Variants in RECQL4 observed in about 807,000 individuals in gnomAD.
RECQL4 encodes RecQ like helicase 4.
In RECQL4, 158 loss-of-function variants were observed where a neutral mutation model predicts 128.6. The ratio of observed to expected loss-of-function variants is 1.23; its 90% CI spans 1.08 to 1.40. The LOEUF is 1.40. Ranked by LOEUF, RECQL4 falls within the 40% of genes most tolerant of loss-of-function variation. The pLI, the probability that RECQL4 is intolerant of heterozygous loss-of-function variation, is 0.00. For synonymous variants in RECQL4, 996 were observed against 678.9 expected (o/e 1.47, Z -7.26); for missense variants, 2,293 against 1,649.8 (o/e 1.39, Z -6.75).
rs548485975 is a variant in RECQL4, at chr8:144,512,656, C to G, written c.2871G>C (p.Gln957His). 1 of 1,612,534 alleles carries G rather than the reference C, an allele frequency of 6.2e-7. No homozygotes were observed. Among genetic ancestry groups the G allele is most frequent in the Non-Finnish European group, 8.5e-7 (1 of 1,179,782 alleles). The change falls in exon 16 of 21, where the codon CAG becomes CAC. Residue 957 changes from glutamine (Q) to histidine (H), a missense_variant. Transcript: ENST00000617875. ...GGCGTGCTTACCTGTGGGCCAGGGC[C>G]TGGAGCTGGGCAGGGCCCCCAGGGC... is the stretch of plus-strand genomic sequence containing the variant. ...LNCPGGPAQL[Q>H]ALAHRCPPLA...
intron 4 of RECQL4, 129 bp downstream of exon 4, chr8:144,516,921 C>T: frequency 7.0e-7 from 1 of 1,431,128 alleles, no homozygotes; most frequent in Non-Finnish European, 9.4e-7. Context: ...CCGAGAAGCT[C>T]CCTGAAGACT....
In RECQL4 at chr8:144,516,754, G is replaced by C. The variant is rs761683428; in HGVS notation, c.365C>G (p.Ala122Gly). The change falls in exon 5 of 21, where the codon GCC (alanine) becomes GGC (glycine). Residue 122 changes from alanine to glycine, a missense_variant. Physicochemically the swap from Ala to Gly is moderately conservative, Grantham distance 60. Transcript: ENST00000617875. Reference protein sequence around the residue: ...NLKGTLQAGPALGRRPWPLGR... With the variant: ...NLKGTLQAGPGLGRRPWPLGR... Reference sequence around the variant, plus strand: ...TAGAGGCCACGGTCTGCGGCCCAGGGCTGGTCCGGCCTGGGAGGGGAACAA... The same window carrying C: ...TAGAGGCCACGGTCTGCGGCCCAGGCCTGGTCCGGCCTGGGAGGGGAACAA... The C allele has an allele frequency of 3.9e-6, 6 of 1,523,012 alleles. No homozygotes were observed. Among genetic ancestry groups the C allele is most frequent in the African/African-American group, 1.4e-5 (1 of 71,964 alleles). 94.3% of individuals were successfully genotyped at this position (1,523,012 alleles called of 1,614,324 possible).
rs1026197269 is a variant in RECQL4, at chr8:144,517,085, G to T, written c.319C>A (p.Gln107Lys). 3 of 1,612,176 alleles carry T rather than the reference G, an allele frequency of 1.9e-6. No homozygotes were observed. The African/African-American group carries it at 4.0e-5, about 22-fold the overall frequency. ...CCTTTCAGATTGGCCTTGAGCCGCT[G>T]CCCGTAGTCCGGCACCGAGCCCTGG... The part of the protein sequence containing the change: ...SRQGSVPDYG[Q>K]RLKANLKGTL... Residue 107 changes from glutamine to lysine, a missense_variant, in exon 4 of 21, where the codon CAG (glutamine) becomes AAG (lysine). Gln to Lys is a moderately conservative substitution (Grantham distance 53, BLOSUM62 1). Coordinates refer to ENST00000617875, the MANE Select transcript of RECQL4 (RefSeq NM_004260.4).
At chr8:144,516,871 G>C in intron 4 of RECQL4, 107 bp from the exon 5 acceptor site, 1 of 1,381,026 alleles carries the variant, frequency 7.2e-7, no homozygotes, top group Non-Finnish European at 9.7e-7. Context: ...AGGCTAATTA[G>C]CACAAGGCTG....
rs780235892 is a variant in RECQL4, at chr8:144,515,849, C to T, written c.1173G>A (p.Gly391=). 3 of 1,612,880 alleles carry T rather than the reference C, an allele frequency of 1.9e-6. No individual in the cohort carries two copies. Among genetic ancestry groups the T allele is most frequent in the African/African-American group, 2.7e-5 (2 of 74,924 alleles). Residue 391 remains glycine, a synonymous_variant, in exon 6 of 21, where the codon GGG becomes GGA. Coordinates refer to ENST00000617875, the MANE Select transcript of RECQL4 (RefSeq NM_004260.4). The part of the protein sequence containing the change: ...QKWRKKGECF[G]GGGATVTTKE... Reference sequence around the variant, plus strand: ...TGGTTGTGACTGTGGCACCACCACCCCCAAAACACTCCCCTTTCTTCCGCC... The same window carrying T: ...TGGTTGTGACTGTGGCACCACCACCTCCAAAACACTCCCCTTTCTTCCGCC...
Position 144,514,986 on chromosome 8 carries a change from G to A in RECQL4, c.1570C>T (p.Pro524Ser), listed in dbSNP as rs374965803. ...LPALLYSRRS[P>S]CLTLVVSPLL... ...GGAGAGACGACCAACGTGAGGCAGG[G>A]GCTGCGCCGGCTGTAGAGCAGCGCT... Residue 524 changes from proline to serine, a missense_variant, in exon 9 of 21, where the codon CCC becomes TCC. Transcript: ENST00000617875. 6.7e-5 allele frequency: 108 copies of A among 1,611,510 alleles called. 1 individual carries two copies. The Middle Eastern group carries it at 7.5e-3, about 112-fold the overall frequency.
Position 144,517,472 on chromosome 8 carries a change from G to C in RECQL4, c.155C>G (p.Thr52Arg). ...YREYRTLKRT[T>R]GQAGGGLRSS... ...GCGGAGCCCGCCGCCGGCCTGGCCC[G>C]TGGTACGCTTCAGAGTGCGGTATTC... The change falls in exon 3 of 21, where the codon ACG (threonine) becomes AGG (arginine). Residue 52 changes from threonine to arginine, a missense_variant. Transcript: ENST00000617875. 7 of 1,596,754 alleles carry C rather than the reference G, an allele frequency of 4.4e-6. No homozygotes were observed. Among genetic ancestry groups the C allele is most frequent in the Non-Finnish European group, 6.0e-6 (7 of 1,176,200 alleles).
In RECQL4 at chr8:144,517,454, C is replaced by G. The variant is rs1008942429; in HGVS notation, c.173G>C (p.Gly58Ala). ...LKRTTGQAGG[G>A]LRSSESLPAA... Reference sequence around the variant, plus strand: ...GGGGAGCGACTCGGAGCTGCGGAGCCCGCCGCCGGCCTGGCCCGTGGTACG... The same window carrying G: ...GGGGAGCGACTCGGAGCTGCGGAGCGCGCCGCCGGCCTGGCCCGTGGTACG... The change falls in exon 3 of 21, where the codon GGG (glycine) becomes GCG (alanine). Residue 58 changes from glycine to alanine, a missense_variant. Coordinates refer to ENST00000617875, the MANE Select transcript of RECQL4 (RefSeq NM_004260.4). The G allele has an allele frequency of 8.2e-6, 13 of 1,594,180 alleles. No homozygotes were observed. The highest frequency in any genetic ancestry group is 2.7e-5 in the African/African-American group (2 of 74,818).
At position 144,511,981 on chromosome 8, in the gene RECQL4, A is replaced by C; in HGVS notation, c.3323T>G (p.Phe1108Cys). The change falls in exon 19 of 21, where the codon TTT becomes TGT. Residue 1108 changes from phenylalanine to cysteine, a missense_variant. Transcript: ENST00000617875. Reference protein sequence around the residue: ...TRLKDLLGRYFEEEEGQEPGG... With the variant: ...TRLKDLLGRYCEEEEGQEPGG... ...CGGCTCCTGCCCTTCCTCTTCCTCA[A>C]AGTAGCGGCCGAGCAGGTCCTTGAG... 6.2e-7 allele frequency: 1 copy of C among 1,611,284 alleles called. No individual in the cohort carries two copies.
chr8:144,512,766 C>T lies in RECQL4; in HGVS notation c.2761G>A (p.Glu921Lys), dbSNP rs371890521. The change falls in exon 16 of 21, where the codon GAG (glutamate) becomes AAG (lysine). Residue 921 changes from glutamate to lysine, a missense_variant. Transcript: ENST00000617875. ...AGCTCCAGGTAGCACAGCAAAGTCT[C>T]GATGGCTGGGGGCAGAGCAGGGCTC... ...QALDMPEEAI[E>K]TLLCYLELHP... is the part of the protein sequence containing the mutation. 70 of 1,611,776 alleles carry T rather than the reference C, an allele frequency of 4.3e-5. 1 individual carries two copies. The highest frequency in any genetic ancestry group is 2.2e-4 in the South Asian group (20 of 91,044).
Position 144,512,037 on chromosome 8 carries a change from C to A in RECQL4, c.3267G>T (p.Leu1089=). The A allele has an allele frequency of 6.2e-7, 1 of 1,608,662 alleles. No individual in the cohort carries two copies. Among genetic ancestry groups the A allele is most frequent in the East Asian group, 2.2e-5 (1 of 44,786 alleles). Residue 1089 remains leucine (L), a synonymous_variant, in exon 19 of 21, where the codon CTG becomes CTT. Transcript: ENST00000617875. The stretch of plus-strand genomic sequence containing the variant: ...TGCTGCGCTCCTCATCCTGCTGCTC[C>A]AGGCAGGGCCCGCAGCTGGGGAAGG... The part of the protein sequence containing the change: ...SVAFPSCGPC[L]EQQDEERSTR...
chr8:144,516,695 G>T lies in RECQL4; in HGVS notation c.424C>A (p.Pro142Thr). The change falls in exon 5 of 21, where the codon CCC (proline) becomes ACC (threonine). Residue 142 changes from proline to threonine, a missense_variant. Transcript: ENST00000617875. ...RASSKASTPK[P>T]PGTGPVPSFA... ...GAGGGGACAGGCCCTGTACCTGGGG[G>T]CTTTGGGGTGGATGCCTTAGATGAG... 1.9e-6 allele frequency: 3 copies of T among 1,560,146 alleles called. No homozygotes were observed. Among genetic ancestry groups the T allele is most frequent in the Non-Finnish European group, 2.6e-6 (3 of 1,154,880 alleles).
intron 19 of RECQL4, 43 bp from the exon 20 acceptor site, chr8:144,511,832 C>T (rs2130652780): frequency 1.2e-6 from 2 of 1,611,018 alleles, no homozygotes; most frequent in Non-Finnish European, 8.5e-7. Context: ...GCTCCCGTGG[C>T]ACTGCATCCA....
chr8:144,512,037 C>G lies in RECQL4; in HGVS notation c.3267G>C (p.Leu1089=), dbSNP rs1193979802. 6.2e-7 allele frequency: 1 copy of G among 1,608,544 alleles called. No individual in the cohort carries two copies. The change falls in exon 19 of 21, where the codon CTG becomes CTC. Residue 1089 remains leucine (L), a synonymous_variant. Coordinates refer to ENST00000617875, the MANE Select transcript of RECQL4 (RefSeq NM_004260.4). ...TGCTGCGCTCCTCATCCTGCTGCTC[C>G]AGGCAGGGCCCGCAGCTGGGGAAGG... ...SVAFPSCGPC[L]EQQDEERSTR...
chr8:144,515,784 G>C lies in RECQL4; in HGVS notation c.1238C>G (p.Ala413Gly), dbSNP rs560681030. The C allele has an allele frequency of 4.7e-4, 761 of 1,612,488 alleles. 9 individuals are homozygous for C. The South Asian group carries it at 5.1e-3, about 11-fold the overall frequency. The change falls in exon 6 of 21, where the codon GCA becomes GGA. Residue 413 changes from alanine (A) to glycine (G), a missense_variant. Transcript: ENST00000617875. ...CTCACCTGGCCGGGGACACTGGGCT[G>C]CCCAGTGATCGAACTGCTCGTTCAG... ...CFLNEQFDHWAAQCPRPASEE... is the reference protein window; with the variant it reads ...CFLNEQFDHWGAQCPRPASEE...
intron 9 of RECQL4, 82 bp downstream of exon 9, chr8:144,514,854 G>T (rs34381903): frequency 2.0e-6 from 3 of 1,523,256 alleles, no homozygotes; most frequent in East Asian, 2.3e-5. Flanking sequence ...GGGGTGGTTA[G>T]GGGACAAGCA....
chr8:144,516,949 A>G lies in RECQL4; in HGVS notation c.354+101T>C, dbSNP rs1815181845. ...TGAAGACTCGTGCCCTGGTTGGCAC[A>G]GGGGCCCGTGCCTGTCTGTGTGGAA... On this transcript the variant is annotated intron_variant, in intron 4 of 20. Transcript: ENST00000617875. The G allele has an allele frequency of 2.7e-6, 4 of 1,486,614 alleles. No individual in the cohort carries two copies. In the South Asian group the frequency reaches 5.3e-5, roughly 20 times the overall value. 92.1% of individuals were successfully genotyped at this position (1,486,614 alleles called of 1,614,324 possible). A position where few individuals can be genotyped will look rare whatever the true frequency, so the allele number is the denominator to read the frequency against.
chr8:144,514,509 G>C lies in RECQL4; in HGVS notation c.1637C>G (p.Pro546Arg), dbSNP rs377298374. The change falls in exon 10 of 21, where the codon CCG becomes CGG. Residue 546 changes from proline to arginine, a missense_variant. Transcript: ENST00000617875. ...GTGTATGCAGGCCGCCTTGAGACAC[G>C]GTGGCAGGCCAGACACCTGCAAATG... ...LMDDQVSGLP[P>R]CLKAACIHSG... 1.4e-5 allele frequency: 22 copies of C among 1,611,626 alleles called. No individual in the cohort carries two copies. The highest frequency in any genetic ancestry group is 1.9e-5 in the Non-Finnish European group (22 of 1,179,392).
In RECQL4 at chr8:144,516,176, A is replaced by C. The variant is rs1172316141; in HGVS notation, c.943T>G (p.Ser315Ala). The C allele has an allele frequency of 1.9e-6, 3 of 1,613,230 alleles. No individual in the cohort carries two copies. Among genetic ancestry groups the C allele is most frequent in the Non-Finnish European group, 2.5e-6 (3 of 1,179,834 alleles). Residue 315 changes from serine to alanine, a missense_variant, in exon 5 of 21, where the codon TCG becomes GCG. Physicochemically the swap from Ser to Ala is moderately conservative, Grantham distance 99 (BLOSUM62 1). Transcript: ENST00000617875. The stretch of plus-strand genomic sequence containing the variant: ...CTGAGTCCGTGGTACCTGGGGTTCG[A>C]TGGGCTGCTGCAGGGCTGAGGTGGC... ...AQPPQPCSSP[S>A]NPRYHGLSPS...
Sources: gnomAD v4.1 joint callset for allele counts on GRCh38, gnomAD v4.1.1 for gene constraint, MANE v1.5 for transcripts, NCBI Gene and HGNC (gene_info 2026-07-23, HGNC 2026-07-21) for gene names.